Variants in PPARG observed in about 807,000 individuals in gnomAD.
PPARG encodes the protein peroxisome proliferator-activated receptor gamma.
A neutral mutation model predicts 39.2 loss-of-function variants in PPARG; 17 were observed. That is an observed-to-expected ratio of 0.43 (90% CI 0.30 to 0.65). The LOEUF is 0.65. PPARG is among the 30% of genes least tolerant of loss of function. The pLI is 0.13. For synonymous variants in PPARG, 223 were observed against 215.7 expected (o/e 1.03, Z -0.30); for missense variants, 406 against 585.9 (o/e 0.69, Z 3.17).
chr3:12,311,341 C>A (rs2124992528), intron 1 of PPARG, among the ~76,000 whole-genome samples: 1 of 152,212 alleles, frequency 6.6e-6, no homozygotes, highest in East Asian at 1.9e-4. Context: ...TGGGCTCAAG[C>A]AATCCGCCTG....
chr3:12,327,180 G>T (rs115479359), intron 2 of PPARG, among the ~76,000 whole-genome samples: 1,825 of 152,178 alleles, frequency 0.012, 53 homozygotes, highest in African/African-American at 0.042. Context: ...GTTTGTACCC[G>T]GTTTGCTTCT....
At chr3:12,333,544 A>C (rs2047921627) in intron 2 of PPARG, among the ~76,000 whole-genome samples, 1 of 152,142 alleles carries the variant, frequency 6.6e-6, no homozygotes, top group African/African-American at 2.4e-5. Context: ...GGCTCACTGC[A>C]ACCTCAACCT....
At chr3:12,297,654 T>C (rs191871933) in intron 1 of PPARG, among the ~76,000 whole-genome samples, 1 of 152,316 alleles carries the variant, frequency 6.6e-6, no homozygotes, top group East Asian at 1.9e-4. Flanking sequence ...CCATCTCTGT[T>C]ATGGCCTCTT....
At chr3:12,300,100 A>G (rs2124949948) in intron 1 of PPARG, among the ~76,000 whole-genome samples, 1 of 152,330 alleles carries the variant, frequency 6.6e-6, no homozygotes, top group East Asian at 1.9e-4. Flanking sequence ...ACTTTATATA[A>G]AGTTAAATAG....
intron 2 of PPARG, among the ~76,000 whole-genome samples, chr3:12,367,167 T>C (rs4135314): frequency 0.021 from 3,143 of 152,224 alleles, 109 homozygotes; most frequent in African/African-American, 0.071. Context: ...ATTATCAAAT[T>C]TGTGAGCATA....
intron 2 of PPARG, chr3:12,372,171 T>A: frequency 1.4e-6 from 1 of 717,610 alleles, no homozygotes; most frequent in Non-Finnish European, 2.6e-6. Context: ...ATTTGAGAGT[T>A]ACTCTTCATA....
Position 12,379,805 on chromosome 3 carries a change from A to G in PPARG, c.94A>G (p.Ile32Val), listed in dbSNP as rs139400454. The change falls in exon 3 of 8, where the codon ATC becomes GTC. Residue 32 changes from isoleucine (I) to valine (V), a missense_variant. By Grantham distance (29) the Ile-to-Val change is conservative (BLOSUM62 3). Around this residue, in one of 2 missense-constraint regions of PPARG, gnomAD observed 131 missense variants for 127.9 expected, o/e 1.02. Transcript: ENST00000651735. The part of the protein sequence containing the change: ...VMEDHSHSFD[I>V]KPFTTVDFSS... ...GGAAGACCACTCCCACTCCTTTGAT[A>G]TCAAGCCCTTCACTACTGTTGACTT... 54 of 1,613,910 alleles carry G rather than the reference A, an allele frequency of 3.3e-5. No homozygotes were observed. The highest frequency in any genetic ancestry group is 4.4e-5 in the Non-Finnish European group (52 of 1,179,942).
intron 2 of PPARG, among the ~76,000 whole-genome samples, chr3:12,338,343 T>G (rs1009219718): frequency 6.6e-6 from 1 of 152,250 alleles, no homozygotes; most frequent in Non-Finnish European, 1.5e-5. Context: ...AAATTATGTC[T>G]CCTCTTTTGT....
At chr3:12,390,920 G>T (rs568183774) in intron 4 of PPARG, among the ~76,000 whole-genome samples, 2 of 151,856 alleles carry the variant, frequency 1.3e-5, no homozygotes, top group Non-Finnish European at 2.9e-5. Context: ...CAAAGTGTTG[G>T]GATTACAGGT....
At chr3:12,327,014 A>T (rs1448834798) in intron 2 of PPARG, among the ~76,000 whole-genome samples, 2 of 151,778 alleles carry the variant, frequency 1.3e-5, no homozygotes, top group East Asian at 1.9e-4. Context: ...AATTTTAACT[A>T]TTTTTTTTCA....
intron 2 of PPARG, among the ~76,000 whole-genome samples, chr3:12,318,130 C>T (rs1236960557): frequency 6.6e-6 from 1 of 152,098 alleles, no homozygotes; most frequent in African/African-American, 2.4e-5. Context: ...CACACCACCG[C>T]ACCTGGCTAA....
At chr3:12,400,699 C>A (rs2050441745) in intron 5 of PPARG, among the ~76,000 whole-genome samples, 1 of 152,142 alleles carries the variant, frequency 6.6e-6, no homozygotes, top group African/African-American at 2.4e-5. Context: ...TTTTGAGCCT[C>A]AAAAACTAGA....
chr3:12,295,263 A>G (rs150382310), intron 1 of PPARG, among the ~76,000 whole-genome samples: 119 of 152,308 alleles, frequency 7.8e-4, no homozygotes, highest in African/African-American at 2.7e-3. Context: ...TCTGTTTTAT[A>G]TGGTGGATAA....
intron 1 of PPARG, among the ~76,000 whole-genome samples, chr3:12,289,345 G>A (rs777845041): frequency 5.9e-5 from 9 of 152,162 alleles, no homozygotes; most frequent in Non-Finnish European, 8.8e-5. Context: ...CGTCTGCCAT[G>A]AAGAAACTAA....
intron 4 of PPARG, among the ~76,000 whole-genome samples, chr3:12,392,178 A>G (rs773875458): frequency 6.6e-6 from 1 of 152,188 alleles, no homozygotes; most frequent in African/African-American, 2.4e-5. Flanking sequence ...GGCCCTGATC[A>G]TGTTTTAGAA....
intron 2 of PPARG, among the ~76,000 whole-genome samples, chr3:12,335,357 A>G (rs1273878430): frequency 6.6e-6 from 1 of 152,218 alleles, no homozygotes; most frequent in Non-Finnish European, 1.5e-5. Context: ...TGTTACTTGT[A>G]GTCATCAAAT....
intron 6 of PPARG, 114 bp downstream of exon 6, chr3:12,406,195 C>A: frequency 9.2e-7 from 1 of 1,083,028 alleles, no homozygotes; most frequent in Non-Finnish European, 1.4e-6. Flanking sequence ...TATTGTTCAA[C>A]TGTTGGCTGT....
intron 2 of PPARG, among the ~76,000 whole-genome samples, chr3:12,350,594 C>T (rs2048455264): frequency 2.0e-5 from 3 of 152,228 alleles, no homozygotes; most frequent in Admixed American, 2.0e-4. Flanking sequence ...TAATTTGGCA[C>T]AGCTAGTATT....
intron 2 of PPARG, among the ~76,000 whole-genome samples, chr3:12,332,907 A>G (rs1257646480): frequency 6.6e-6 from 1 of 152,050 alleles, no homozygotes; most frequent in Non-Finnish European, 1.5e-5. Flanking sequence ...TGGGATGCAT[A>G]CTTGTAGTCC....
Sources: gnomAD v4.1 joint callset for allele counts (sites outside exome capture counted in the v4.1 genomes callset) on GRCh38, gnomAD v4.1.1 for gene constraint, gnomAD v4.1.1 regional missense constraint, MANE v1.5 for transcripts, NCBI Gene and HGNC (gene_info 2026-07-23, HGNC 2026-07-21) for gene names.